Variants in GRIA1 observed in about 807,000 individuals in gnomAD.
The protein encoded by GRIA1 is glutamate receptor 1.
GRIA1 carries 31 observed loss-of-function variants against 99.2 expected under a neutral mutation model. That is an observed-to-expected ratio of 0.31 (90% confidence interval 0.23 to 0.42). GRIA1 has a LOEUF of 0.42. GRIA1 is among the 10% of genes least tolerant of loss of function. GRIA1 has a pLI of 1.00. For synonymous variants in GRIA1, 438 were observed against 432.4 expected (o/e 1.01, Z -0.16); for missense variants, 782 against 1,157.5 (o/e 0.68, Z 4.71).
intron 4 of GRIA1, among the ~76,000 whole-genome samples, chr5:153,650,746 A>G (rs186651864): frequency 8.8e-4 from 122 of 138,666 alleles, no homozygotes; most frequent in Middle Eastern, 3.6e-3. Context: ...GTTAACTCCA[A>G]TGTATCCCTC....
chr5:153,790,164 G>A (rs1581661232), intron 13 of GRIA1, among the ~76,000 whole-genome samples: 1 of 152,142 alleles, frequency 6.6e-6, no homozygotes, highest in East Asian at 1.9e-4. Flanking sequence ...GCCACAGGAG[G>A]CAGGTAGGAG....
intron 13 of GRIA1, 95 bp from the exon 14 acceptor site, chr5:153,794,526 G>A (rs1480115364): frequency 8.6e-6 from 7 of 818,634 alleles, no homozygotes; most frequent in African/African-American, 1.7e-5. Context: ...TGGCAGGCTG[G>A]GTAATGGAGC....
chr5:153,809,250 C>G (rs1766646889), intron 15 of GRIA1, among the ~76,000 whole-genome samples: 1 of 151,964 alleles, frequency 6.6e-6, no homozygotes, highest in South Asian at 2.1e-4. Flanking sequence ...TTTACATTTC[C>G]CTGGTGTAGC....
intron 15 of GRIA1, among the ~76,000 whole-genome samples, chr5:153,806,046 T>C (rs1310449156): frequency 6.6e-6 from 1 of 152,200 alleles, no homozygotes; most frequent in Admixed American, 6.5e-5. Flanking sequence ...ATAAGACAAA[T>C]GCATTCAACT....
chr5:153,647,115 C>G lies in GRIA1; in HGVS notation c.408C>G (p.Ile136Met), dbSNP rs764610021. Residue 136 changes from isoleucine (I) to methionine (M), a missense_variant, in exon 3 of 16, where the codon ATC (isoleucine) becomes ATG (methionine). This residue lies in a region of GRIA1 where 461 missense variants were observed against 521.7 expected (regional missense o/e 0.88). Coordinates refer to ENST00000285900, the MANE Select transcript of GRIA1 (RefSeq NM_000827.4). ...RPELQDALIS[I>M]IDHYKWQKFV... Reference sequence around the variant, plus strand: ...AACTGCAGGATGCCCTCATCAGCATCATTGACCATTACAAGTGGCAGAAAT... The same window carrying G: ...AACTGCAGGATGCCCTCATCAGCATGATTGACCATTACAAGTGGCAGAAAT... 52 of 1,613,784 alleles carry G rather than the reference C, an allele frequency of 3.2e-5. 1 individual carries two copies. In the South Asian group the frequency reaches 5.4e-4, roughly 17 times the overall value.
chr5:153,662,813 G>A (rs1313542488), intron 5 of GRIA1, among the ~76,000 whole-genome samples: 1 of 152,154 alleles, frequency 6.6e-6, no homozygotes, highest in Non-Finnish European at 1.5e-5. Context: ...TGTTGAGGGT[G>A]GGGCAGGAGC....
chr5:153,538,290 T>C (rs896543425), intron 2 of GRIA1, among the ~76,000 whole-genome samples: 1 of 152,212 alleles, frequency 6.6e-6, no homozygotes, highest in Non-Finnish European at 1.5e-5. Flanking sequence ...TATTGAGATA[T>C]AATTTATATG....
intron 11 of GRIA1, among the ~76,000 whole-genome samples, chr5:153,730,767 C>T (rs532418825): frequency 5.9e-5 from 9 of 152,214 alleles, no homozygotes; most frequent in African/African-American, 1.4e-4. Context: ...GACTTCATAA[C>T]GTCCCGGACT....
intron 2 of GRIA1, among the ~76,000 whole-genome samples, chr5:153,530,795 C>G: frequency 6.6e-6 from 1 of 152,304 alleles, no homozygotes; most frequent in East Asian, 1.9e-4. Context: ...AAGGATATGT[C>G]TGGACTTGGA....
chr5:153,701,153 C>T (rs1416898568), intron 10 of GRIA1, among the ~76,000 whole-genome samples: 2 of 152,184 alleles, frequency 1.3e-5, no homozygotes, highest in Non-Finnish European at 2.9e-5. Context: ...GGTTAAAAGT[C>T]TGCAGTGTGG....
chr5:153,542,197 C>T (rs186102009), intron 2 of GRIA1, among the ~76,000 whole-genome samples: 1 of 152,124 alleles, frequency 6.6e-6, no homozygotes, highest in African/African-American at 2.4e-5. Context: ...TAGCTCTAAC[C>T]AAACTTTCCC....
intron 10 of GRIA1, among the ~76,000 whole-genome samples, chr5:153,700,979 A>G (rs576101621): frequency 1.3e-5 from 2 of 152,320 alleles, no homozygotes; most frequent in Admixed American, 6.5e-5. Context: ...GGGAAGCTCC[A>G]TGGACAAAAG....
intron 11 of GRIA1, among the ~76,000 whole-genome samples, chr5:153,741,601 A>G (rs1021296286): frequency 4.6e-5 from 7 of 152,224 alleles, no homozygotes; most frequent in Non-Finnish European, 7.3e-5. Context: ...CTAATATACA[A>G]CAACATGGAT....
At chr5:153,668,665 C>A (rs761228865) in intron 5 of GRIA1, among the ~76,000 whole-genome samples, 3 of 152,062 alleles carry the variant, frequency 2.0e-5, no homozygotes, top group African/African-American at 4.8e-5. Context: ...GTTTGCTGAC[C>A]CCTTGCATAG....
In GRIA1 at chr5:153,754,653, C is replaced by T. The variant is rs74983225; in HGVS notation, c.1824-9781C>T. On this transcript the variant is annotated intron_variant, in intron 11 of 15. Transcript: ENST00000285900. Reference sequence around the variant, plus strand: ...GCCATCCTGAATACTTGGTTTGATGCCATGACTCCAGACACTTTGGACCAT... The same window carrying T: ...GCCATCCTGAATACTTGGTTTGATGTCATGACTCCAGACACTTTGGACCAT... Among the ~76,000 whole-genome samples the T allele has an allele frequency of 2.5e-3, 373 of 152,224 alleles. 8 individuals carry two copies. The South Asian group carries it at 0.056, about 23-fold the overall frequency.
At chr5:153,492,688 A>ATG (rs779053943) in intron 1 of GRIA1, among the ~76,000 whole-genome samples, 5 of 152,108 alleles carry the variant, frequency 3.3e-5, no homozygotes, top group Non-Finnish European at 7.3e-5. Context: ...AGGATGTTTC[A>ATG]TGTATGTGCT....
chr5:153,631,528 G>A (rs1418594287), intron 2 of GRIA1, among the ~76,000 whole-genome samples: 1 of 152,180 alleles, frequency 6.6e-6, no homozygotes, highest in Non-Finnish European at 1.5e-5. Flanking sequence ...ACTTTTGAAA[G>A]GCTATCGGAT....
chr5:153,802,922 C>T (rs185222282), intron 15 of GRIA1, among the ~76,000 whole-genome samples: 28 of 152,264 alleles, frequency 1.8e-4, no homozygotes, highest in African/African-American at 5.5e-4. Flanking sequence ...TCTTAGGCTC[C>T]ACTCTAAGAA....
At chr5:153,666,386 T>C (rs1033546741) in intron 5 of GRIA1, among the ~76,000 whole-genome samples, 36 of 152,122 alleles carry the variant, frequency 2.4e-4, no homozygotes, top group African/African-American at 8.7e-4. Context: ...TGCTGTGTGG[T>C]TCACATTTCA....
Sources: gnomAD v4.1 joint callset for allele counts (sites outside exome capture counted in the v4.1 genomes callset) on GRCh38, gnomAD v4.1.1 for gene constraint, gnomAD v4.1.1 regional missense constraint, MANE v1.5 for transcripts, NCBI Gene and HGNC (gene_info 2026-07-23, HGNC 2026-07-21) for gene names.